Variants in WDR27 observed in about 807,000 individuals in gnomAD.
WDR27 encodes the protein WD repeat domain 27.
A neutral mutation model predicts 114.4 loss-of-function variants in WDR27; 100 were observed. That is an observed-to-expected ratio of 0.87 (90% CI 0.74 to 1.03). The LOEUF (loss-of-function observed/expected upper bound fraction) is 1.03, where lower values mean the gene tolerates loss of function less well. Ranked by LOEUF, WDR27 falls within the 50% of genes least tolerant of loss-of-function variation. WDR27 has a pLI of 0.00. For synonymous variants in WDR27, 449 were observed against 423.1 expected (o/e 1.06, Z -0.75); for missense variants, 1,129 against 1,092.9 (o/e 1.03, Z -0.47).
At chr6:169,591,937 G>A (rs1277858009) in intron 23 of WDR27, among the ~76,000 whole-genome samples, 2 of 151,736 alleles carry the variant, frequency 1.3e-5, no homozygotes, top group African/African-American at 2.4e-5. Flanking sequence ...TCCACCCAGG[G>A]AGTTCTGGCT....
chr6:169,497,650 G>C (rs957977861), intron 25 of WDR27, among the ~76,000 whole-genome samples: 1 of 151,656 alleles, frequency 6.6e-6, no homozygotes, highest in African/African-American at 2.4e-5. Context: ...TGCATGAAAA[G>C]ATGTTCAACA....
At chr6:169,681,303 A>T (rs967184056) in intron 2 of WDR27, among the ~76,000 whole-genome samples, 3 of 152,246 alleles carry the variant, frequency 2.0e-5, no homozygotes, top group African/African-American at 7.2e-5. Context: ...AGCTGGTGAA[A>T]TAGAAGCTAA....
At chr6:169,679,358 G>A (rs1780872763) in intron 2 of WDR27, among the ~76,000 whole-genome samples, 1 of 152,056 alleles carries the variant, frequency 6.6e-6, no homozygotes. Flanking sequence ...AAGACTTTGG[G>A]GGACTGTTGG....
intron 23 of WDR27, among the ~76,000 whole-genome samples, chr6:169,583,525 ACACACAC>A (rs1803968982): frequency 6.1e-5 from 9 of 146,830 alleles, no homozygotes; most frequent in Admixed American, 1.4e-4. Flanking sequence ...ACACACACAC[ACACACAC>A]ACACACACAT....
At position 169,659,141 on chromosome 6, in the gene WDR27, G is replaced by C. The variant is rs1179482728; in HGVS notation, c.1264C>G (p.Leu422Val). The C allele has an allele frequency of 6.2e-7, 1 of 1,610,950 alleles. No homozygotes were observed. The highest frequency in any genetic ancestry group is 1.3e-5 in the African/African-American group (1 of 74,670). ...CTGGGGCACTGCTGAGCCCTGACTAGCGCGGCCGGGTTGATCTCCAACACG... is the reference window on the plus strand; with the variant it reads ...CTGGGGCACTGCTGAGCCCTGACTACCGCGGCCGGGTTGATCTCCAACACG... ...IAVLEINPAA[L>V]VRAQQCPSMG... Residue 422 changes from leucine to valine, a missense_variant, in exon 12 of 26, where the codon CTA (leucine) becomes GTA (valine). By Grantham distance (32) the Leu-to-Val change is conservative (BLOSUM62 1). Transcript: ENST00000448612. This position sits in a 1 kb window ranked among gnomAD's most constrained non-coding sequence, Gnocchi z 4.3.
chr6:169,606,112 T>C (rs1809121800), intron 22 of WDR27, among the ~76,000 whole-genome samples: 1 of 151,990 alleles, frequency 6.6e-6, no homozygotes, highest in Non-Finnish European at 1.5e-5. Context: ...CAAATATGAC[T>C]TAATTAAACA....
chr6:169,621,448 A>G (rs1813193482), intron 21 of WDR27, among the ~76,000 whole-genome samples: 1 of 152,184 alleles, frequency 6.6e-6, no homozygotes, highest in South Asian at 2.1e-4. Flanking sequence ...ACATATGCAC[A>G]CATGCACACA....
intron 1 of WDR27, among the ~76,000 whole-genome samples, chr6:169,695,630 T>G (rs796890799): frequency 6.6e-6 from 1 of 152,074 alleles, no homozygotes; most frequent in African/African-American, 2.4e-5. Context: ...AGCTGAATGG[T>G]GAGGAGTCTA....
chr6:169,450,204 C>G, the WDR27 span, among the ~76,000 whole-genome samples: 2 of 152,146 alleles, frequency 1.3e-5, no homozygotes, highest in East Asian at 1.9e-4. Flanking sequence ...TGAAGGAGTC[C>G]GACAGCTGCC....
intron 25 of WDR27, among the ~76,000 whole-genome samples, chr6:169,525,993 T>C (rs1794927297): frequency 6.6e-6 from 1 of 152,100 alleles, no homozygotes; most frequent in Admixed American, 6.5e-5. Context: ...AAGATAAATA[T>C]TGCACATTCC....
At chr6:169,663,141 G>C (rs1826803791) in intron 8 of WDR27, among the ~76,000 whole-genome samples, 1 of 152,242 alleles carries the variant, frequency 6.6e-6, no homozygotes, top group South Asian at 2.1e-4. Context: ...GCAACTTCAA[G>C]TGCAGAACCA....
the WDR27 span, among the ~76,000 whole-genome samples, chr6:169,443,234 C>G: frequency 6.6e-6 from 1 of 152,192 alleles, no homozygotes; most frequent in African/African-American, 2.4e-5. Flanking sequence ...GCAACACGTG[C>G]CGTCACCCAA....
At chr6:169,581,708 T>C (rs1240437151) in intron 24 of WDR27, among the ~76,000 whole-genome samples, 1 of 152,238 alleles carries the variant, frequency 6.6e-6, no homozygotes, top group African/African-American at 2.4e-5. Context: ...ATGCACTTAC[T>C]CATTTCCAAT....
chr6:169,537,039 T>C (rs909273844), intron 25 of WDR27, among the ~76,000 whole-genome samples: 8 of 152,210 alleles, frequency 5.3e-5, no homozygotes, highest in Non-Finnish European at 1.2e-4. Flanking sequence ...TAAGGGCTCT[T>C]TTCATAGCAA....
intron 2 of WDR27, among the ~76,000 whole-genome samples, chr6:169,675,948 C>T (rs1378105182): frequency 5.9e-5 from 9 of 152,072 alleles, no homozygotes; most frequent in Admixed American, 5.9e-4. Flanking sequence ...CTTTGCAAGG[C>T]AATTTCAAGG....
intron 6 of WDR27, chr6:169,666,839 G>A: frequency 1.0e-6 from 1 of 985,478 alleles, no homozygotes; most frequent in Non-Finnish European, 1.2e-6. Context: ...AGAGCAGAAG[G>A]CTCAACTTCC....
At chr6:169,637,938 G>C (rs929989825) in intron 18 of WDR27, among the ~76,000 whole-genome samples, 1 of 152,188 alleles carries the variant, frequency 6.6e-6, no homozygotes, top group Non-Finnish European at 1.5e-5. Flanking sequence ...TATGTGGCAA[G>C]TATGTAAGTG....
the WDR27 span, among the ~76,000 whole-genome samples, chr6:169,448,102 A>T: frequency 1.3e-4 from 20 of 152,106 alleles, no homozygotes; most frequent in African/African-American, 4.8e-4. Flanking sequence ...ATAATATACT[A>T]ATATTTTACA....
intron 25 of WDR27, among the ~76,000 whole-genome samples, chr6:169,464,706 AG>A (rs1337365509): frequency 6.6e-6 from 1 of 152,262 alleles, no homozygotes; most frequent in Non-Finnish European, 1.5e-5. Context: ...ATTAATATCC[AG>A]GATATATAGA....
Sources: gnomAD v4.1 joint callset for allele counts (sites outside exome capture counted in the v4.1 genomes callset) on GRCh38, gnomAD v4.1.1 for gene constraint, Gnocchi (gnomAD v3.1) non-coding constraint, MANE v1.5 for transcripts, NCBI Gene and HGNC (gene_info 2026-07-23, HGNC 2026-07-21) for gene names.